The following PTPRD variants were observed in gnomAD, a reference collection of about 807,000 sequenced individuals.
PTPRD encodes protein tyrosine phosphatase receptor type D, also known as receptor-type tyrosine-protein phosphatase delta.
Under a neutral mutation model 214.5 loss-of-function variants are expected in PTPRD, and 34 were observed. The ratio of observed to expected loss-of-function variants is 0.16; its 90% CI spans 0.12 to 0.21. The LOEUF (loss-of-function observed/expected upper bound fraction) is 0.21. Among genes scored for constraint, PTPRD ranks in the 10% least tolerant of loss-of-function variants. PTPRD has a pLI of 1.00. For synonymous variants in PTPRD, 1,128 were observed against 845.7 expected (o/e 1.33, Z -5.79); for missense variants, 2,545 against 2,398.7 (o/e 1.06, Z -1.27).
intron 9 of PTPRD, among the ~76,000 whole-genome samples, chr9:9,208,208 GT>G (rs1191257140): frequency 6.6e-6 from 1 of 151,292 alleles, no homozygotes. Flanking sequence ...TCGAGACGGG[GT>G]TTCACCGTGT....
chr9:10,594,778 G>A (rs1567120340), intron 2 of PTPRD, among the ~76,000 whole-genome samples: 1 of 151,916 alleles, frequency 6.6e-6, no homozygotes, highest in Admixed American at 6.6e-5. Context: ...TGTGTGGTAG[G>A]GGCAGCTGGG....
chr9:9,162,470 C>T (rs1175003982), intron 10 of PTPRD, among the ~76,000 whole-genome samples: 1 of 152,094 alleles, frequency 6.6e-6, no homozygotes, highest in Non-Finnish European at 1.5e-5. Context: ...CAGCATACAC[C>T]TTTTCCTTTG....
chr9:9,504,690 T>C (rs2096529155), intron 8 of PTPRD, among the ~76,000 whole-genome samples: 1 of 151,540 alleles, frequency 6.6e-6, no homozygotes. Context: ...CGCATCCAAG[T>C]CTGAAAGGGA....
intron 7 of PTPRD, among the ~76,000 whole-genome samples, chr9:9,671,112 C>G (rs1201491898): frequency 6.6e-6 from 1 of 152,168 alleles, no homozygotes; most frequent in Non-Finnish European, 1.5e-5. Flanking sequence ...CTGTACCCTA[C>G]AAAGCCACAG....
At chr9:8,843,535 C>A (rs2097612634) in intron 11 of PTPRD, among the ~76,000 whole-genome samples, 1 of 152,142 alleles carries the variant, frequency 6.6e-6, no homozygotes. Context: ...ATATCATGGC[C>A]ACTAGCTACA....
At chr9:10,201,325 T>A (rs1385786442) in intron 3 of PTPRD, among the ~76,000 whole-genome samples, 2 of 152,038 alleles carry the variant, frequency 1.3e-5, no homozygotes, top group African/African-American at 4.8e-5. Context: ...TGGCATTAGT[T>A]ATAATGATAA....
rs140333856 is a variant in PTPRD at position 9,378,187 on chromosome 9, C to T, written c.-203+19262G>A. ...CCACCCCAAAATCCTCTATGCCCCA[C>T]CTAATCCACACTGCAACCCCTGGCA... On this transcript the variant is annotated intron_variant, in intron 9 of 45. Transcript: ENST00000381196. 3.1e-3 allele frequency among the ~76,000 whole-genome samples: 469 copies of T among 152,250 alleles called. 5 individuals are homozygous for T. The highest frequency in any genetic ancestry group is 0.011 in the African/African-American group (442 of 41,564).
intron 3 of PTPRD, among the ~76,000 whole-genome samples, chr9:10,090,966 G>C (rs1236743439): frequency 8.0e-6 from 1 of 125,222 alleles, no homozygotes; most frequent in Admixed American, 8.4e-5. Context: ...ACACATGCAT[G>C]TGGTAGAGTA....
chr9:8,374,269 T>C (rs1408955515), intron 39 of PTPRD, among the ~76,000 whole-genome samples: 1 of 151,750 alleles, frequency 6.6e-6, no homozygotes, highest in African/African-American at 2.4e-5. Flanking sequence ...GTTTCATGTG[T>C]GATTTTTATA....
chr9:9,726,333 G>A (rs1564800808), intron 7 of PTPRD, among the ~76,000 whole-genome samples: 2 of 152,062 alleles, frequency 1.3e-5, no homozygotes, highest in South Asian at 2.1e-4. Flanking sequence ...GGCTGTAAGG[G>A]GTATCTCAGA....
intron 11 of PTPRD, among the ~76,000 whole-genome samples, chr9:8,760,006 T>C (rs541027888): frequency 3.5e-4 from 53 of 152,336 alleles, no homozygotes; most frequent in Non-Finnish European, 6.5e-4. Context: ...GAGAAGATTA[T>C]TGTAATCTCC....
intron 12 of PTPRD, among the ~76,000 whole-genome samples, chr9:8,693,993 T>C (rs879814409): frequency 7.9e-5 from 12 of 152,232 alleles, no homozygotes; most frequent in African/African-American, 1.4e-4. Flanking sequence ...TACAAAAGCA[T>C]TGGAAATCTC....
intron 2 of PTPRD, among the ~76,000 whole-genome samples, chr9:10,597,165 G>A (rs550097595): frequency 2.0e-5 from 3 of 151,296 alleles, no homozygotes; most frequent in Non-Finnish European, 3.0e-5. Flanking sequence ...GCTTTATTAC[G>A]AATAGTACAA....
In PTPRD at chr9:9,491,398, G is replaced by T. The variant is rs191414684; in HGVS notation, c.-237+83334C>A. On this transcript the variant is annotated intron_variant, in intron 8 of 45. Coordinates refer to ENST00000381196, the MANE Select transcript of PTPRD (RefSeq NM_002839.4). The stretch of plus-strand genomic sequence containing the variant: ...AAATGGGTAGAATTACTAGACAGAA[G>T]ATGTGTAAGGAAATAAAGAACTTAA... Among the ~76,000 whole-genome samples the T allele has an allele frequency of 3.2e-3, 480 of 152,028 alleles. 3 individuals carry two copies. The highest frequency in any genetic ancestry group is 0.011 in the African/African-American group (453 of 41,530).
At chr9:9,518,640 A>T (rs1158087778) in intron 8 of PTPRD, among the ~76,000 whole-genome samples, 1 of 152,096 alleles carries the variant, frequency 6.6e-6, no homozygotes. Context: ...AAAGGGCATT[A>T]AATATTTTCC....
intron 11 of PTPRD, among the ~76,000 whole-genome samples, chr9:8,931,984 T>C (rs963056619): frequency 7.9e-5 from 12 of 152,364 alleles, no homozygotes; most frequent in Admixed American, 6.5e-4. Context: ...TGGTAGTTTG[T>C]ATTTCTTTGG....
At chr9:10,302,202 A>G (rs1462826702) in intron 3 of PTPRD, among the ~76,000 whole-genome samples, 2 of 152,228 alleles carry the variant, frequency 1.3e-5, no homozygotes, top group African/African-American at 4.8e-5. Context: ...AATCCTTTAT[A>G]GGCAAGCAAA....
At chr9:8,663,209 A>G (rs975922357) in intron 12 of PTPRD, among the ~76,000 whole-genome samples, 2 of 150,852 alleles carry the variant, frequency 1.3e-5, no homozygotes, top group Non-Finnish European at 2.9e-5. Flanking sequence ...TTTTTCAAAC[A>G]TGTTTGAGGA....
intron 27 of PTPRD, among the ~76,000 whole-genome samples, chr9:8,488,864 T>C (rs7048985): frequency 0.059 from 8,922 of 152,148 alleles, 862 homozygotes; most frequent in African/African-American, 0.2. Context: ...TGAAACTCCG[T>C]TGAAACGAGT....
Sources: gnomAD v4.1 joint callset for allele counts (sites outside exome capture counted in the v4.1 genomes callset) on GRCh38, gnomAD v4.1.1 for gene constraint, MANE v1.5 for transcripts, NCBI Gene and HGNC (gene_info 2026-07-23, HGNC 2026-07-21) for gene names.